The following VPS13C variants were observed in gnomAD, a reference collection of about 807,000 sequenced individuals.
VPS13C encodes the protein vacuolar protein sorting 13 homolog C, also known as intermembrane lipid transfer protein VPS13C.
Under a neutral mutation model 456.8 loss-of-function variants are expected in VPS13C, and 358 were observed. That is an observed-to-expected ratio of 0.78 (90% CI 0.72 to 0.86). VPS13C has a LOEUF of 0.86. VPS13C is among the 40% of genes least tolerant of loss of function. The probability of loss-of-function intolerance (pLI) is 0.00; values close to 1 mark genes in which losing one functional copy is unlikely to be tolerated. For missense variants in VPS13C, 4,818 were observed against 4,385.4 expected (o/e 1.10, Z -2.79); for synonymous variants, 1,578 against 1,486.7 (o/e 1.06, Z -1.41).
chr15:62,033,502 C>A lies in VPS13C; in HGVS notation c.324G>T (p.Gln108His). Residue 108 changes from glutamine to histidine, a missense_variant, in exon 5 of 85, where the codon CAG becomes CAT. This residue lies in a region of VPS13C where 4,552 missense variants were observed against 4,130.6 expected (regional missense o/e 1.10). Transcript: ENST00000644861. ...GGGATAGCTCTTTCTGTTTAACATCCTGCAAGGATTTTTCTTCTTTTACAG... is the reference window on the plus strand; with the variant it reads ...GGGATAGCTCTTTCTGTTTAACATCATGCAAGGATTTTTCTTCTTTTACAG... ...YDAVKEEKSL[Q>H]DVKQKELSRI... The A allele has an allele frequency of 1.9e-6, 3 of 1,607,360 alleles. No homozygotes were observed. Among genetic ancestry groups the A allele is most frequent in the Non-Finnish European group, 2.6e-6 (3 of 1,176,468 alleles).
chr15:61,984,947 CT>C lies in VPS13C; in HGVS notation c.1630del (p.Arg544GlufsTer10). ...TATTTCTGGAATATTCTTGTTTTCT[CT>C]TATCGTAACAGAGGTGCTTACTAAC... is the stretch of plus-strand genomic sequence containing the variant. The part of the protein sequence containing the change: ...LKLVSTSVTI[R>X]ENKNIPEILK... On this transcript the variant is annotated frameshift_variant, in exon 19 of 85. Transcript: ENST00000644861. LOFTEE classifies it high-confidence loss of function. 1 of 1,610,722 alleles carries C rather than the reference CT, an allele frequency of 6.2e-7. No individual in the cohort carries two copies. Among genetic ancestry groups the C allele is most frequent in the Non-Finnish European group, 8.5e-7 (1 of 1,178,838 alleles).
chr15:61,979,088 AC>A (rs1336722228), intron 22 of VPS13C, among the ~76,000 whole-genome samples: 1 of 151,920 alleles, frequency 6.6e-6, no homozygotes, highest in Non-Finnish European at 1.5e-5. Flanking sequence ...CCCCCACCCT[AC>A]ACCCTTCACC....
At chr15:61,993,017 C>T (rs1015198605) in intron 16 of VPS13C, among the ~76,000 whole-genome samples, 4 of 151,922 alleles carry the variant, frequency 2.6e-5, no homozygotes, top group African/African-American at 4.8e-5. Context: ...TAGATAAAAC[C>T]GAGCTTTTTT....
At chr15:61,956,092 T>C (rs577022647) in intron 37 of VPS13C, among the ~76,000 whole-genome samples, 1 of 152,234 alleles carries the variant, frequency 6.6e-6, no homozygotes, top group African/African-American at 2.4e-5. Context: ...CCACTGACAG[T>C]GGACTGAATA....
intron 66 of VPS13C, among the ~76,000 whole-genome samples, chr15:61,902,875 T>C (rs1041241852): frequency 3.0e-4 from 31 of 102,872 alleles, no homozygotes; most frequent in African/African-American, 1.1e-3. Flanking sequence ...AAAAAGGGCA[T>C]CCAAATTTGA....
Position 61,866,948 on chromosome 15 carries a change from A to G in VPS13C, c.10863+1711T>C, listed in dbSNP as rs189353968. The G allele has an allele frequency of 2.6e-5, 26 of 984,376 alleles. No individual in the cohort carries two copies. The African/African-American group carries it at 4.2e-4, about 16-fold the overall frequency. The allele number at this position is 984,376 out of a possible 1,614,324, so 61.0% of individuals were successfully genotyped here. A position where few individuals can be genotyped will look rare whatever the true frequency, so the allele number is the denominator to read the frequency against. The stretch of plus-strand genomic sequence containing the variant: ...TGAGGAGAAGCATGAAAGTTGCTAG[A>G]TAAGACATTGTTAAACATTTCCATC... On this transcript the variant is annotated intron_variant, in intron 81 of 84. Coordinates refer to ENST00000644861, the MANE Select transcript of VPS13C (RefSeq NM_020821.3).
intron 60 of VPS13C, 68 bp downstream of exon 60, chr15:61,917,273 T>C (rs2043501538): frequency 6.6e-7 from 1 of 1,507,036 alleles, no homozygotes; most frequent in Non-Finnish European, 9.0e-7. Context: ...CACTTAAAAA[T>C]ACCATAAAAC....
At chr15:62,014,465 A>G (rs541775817) in intron 9 of VPS13C, among the ~76,000 whole-genome samples, 45 of 152,276 alleles carry the variant, frequency 3.0e-4, no homozygotes, top group Non-Finnish European at 5.4e-4. Context: ...AAACTTGTTA[A>G]GAACTGTTTC....
At chr15:61,999,707 G>A (rs955399429) in intron 16 of VPS13C, among the ~76,000 whole-genome samples, 1 of 151,354 alleles carries the variant, frequency 6.6e-6, no homozygotes, top group Non-Finnish European at 1.5e-5. Context: ...CAGAATCTTA[G>A]AAATGACATG....
Position 61,881,780 on chromosome 15 carries a change from C to A in VPS13C, c.9673G>T (p.Val3225Phe). 6.2e-7 allele frequency: 1 copy of A among 1,608,554 alleles called. No individual in the cohort carries two copies. Among genetic ancestry groups the A allele is most frequent in the Admixed American group, 1.7e-5 (1 of 58,662 alleles). ...GAMFPVVFHP[V>F]APPKSIALDS... ...AAAGCAATAGATTTTGGAGGGGCAA[C>A]AGGATGAAATACAACAGGGAACATT... The change falls in exon 70 of 85, where the codon GTT becomes TTT. Residue 3225 changes from valine to phenylalanine, a missense_variant. Val to Phe is a conservative substitution (Grantham distance 50, BLOSUM62 -1). Transcript: ENST00000644861.
At chr15:61,869,646 A>C (rs2140871575) in intron 79 of VPS13C, 23 bp from the exon 80 acceptor site, 1 of 1,613,808 alleles carries the variant, frequency 6.2e-7, no homozygotes, top group Non-Finnish European at 8.5e-7. Flanking sequence ...AATGACCATG[A>C]ATGGATAAAG....
At chr15:61,995,038 C>T (rs1025394974) in intron 16 of VPS13C, among the ~76,000 whole-genome samples, 4 of 152,236 alleles carry the variant, frequency 2.6e-5, no homozygotes, top group African/African-American at 9.6e-5. Context: ...ATCTGCTCTG[C>T]TTACAGCAAA....
intron 53 of VPS13C, among the ~76,000 whole-genome samples, chr15:61,924,157 G>A (rs1025680897): frequency 6.6e-6 from 1 of 151,650 alleles, no homozygotes; most frequent in African/African-American, 2.4e-5. Flanking sequence ...TGAGGCCACC[G>A]CGCCCGGCCA....
At chr15:61,967,962 G>A (rs2045431878) in intron 28 of VPS13C, among the ~76,000 whole-genome samples, 1 of 151,846 alleles carries the variant, frequency 6.6e-6, no homozygotes, top group Non-Finnish European at 1.5e-5. Context: ...TTTGTTATTT[G>A]CAATTCTTTT....
chr15:61,946,347 A>G lies in VPS13C; in HGVS notation c.4940T>C (p.Ile1647Thr), dbSNP rs745493841. Reference sequence around the variant, plus strand: ...CTGCAAATCTACATTCATAACTATAATATCTTTAAGTCTGGCAAACACATC... The same window carrying G: ...CTGCAAATCTACATTCATAACTATAGTATCTTTAAGTCTGGCAAACACATC... The part of the protein sequence containing the change: ...QTDVFARLKD[I>T]IVMNVDLQSI... The change falls in exon 44 of 85, where the codon ATT becomes ACT. Residue 1647 changes from isoleucine to threonine, a missense_variant. Physicochemically the swap from Ile to Thr is moderately conservative, Grantham distance 89 (BLOSUM62 -1). Around this residue, in one of 3 missense-constraint regions of VPS13C, gnomAD observed 4,552 missense variants for 4,130.6 expected, o/e 1.10. Coordinates refer to ENST00000644861, the MANE Select transcript of VPS13C (RefSeq NM_020821.3). 5.6e-6 allele frequency: 9 copies of G among 1,608,710 alleles called. No homozygotes were observed. The highest frequency in any genetic ancestry group is 5.4e-5 in the African/African-American group (4 of 74,594).
intron 1 of VPS13C, among the ~76,000 whole-genome samples, chr15:62,057,008 C>T (rs943523491): frequency 6.6e-6 from 1 of 152,052 alleles, no homozygotes; most frequent in East Asian, 1.9e-4. Context: ...GGGCCACTAC[C>T]GGTCTCCGCG....
At chr15:61,860,717 T>C (rs1179947566) in intron 82 of VPS13C, among the ~76,000 whole-genome samples, 1 of 152,146 alleles carries the variant, frequency 6.6e-6, no homozygotes, top group African/African-American at 2.4e-5. Flanking sequence ...AATGTAATAA[T>C]GCATTTTTTT....
intron 81 of VPS13C, chr15:61,866,401 GA>G: frequency 1.0e-6 from 1 of 983,434 alleles, no homozygotes; most frequent in South Asian, 4.7e-5. Flanking sequence ...ATATCACAAG[GA>G]AAAAATTAAT....
Position 62,013,294 on chromosome 15 carries a change from T to TAA in VPS13C, c.745-176_745-175insTT, listed in dbSNP as rs1168402935. ...AAAATATATTCATGTTATTCAGACTTTATTAAGTCTAGCATTTGCTAAATT... is the reference window on the plus strand; with the variant it reads ...AAAATATATTCATGTTATTCAGACTTAATATTAAGTCTAGCATTTGCTAAATT... On this transcript the variant is annotated intron_variant, in intron 10 of 84. Coordinates refer to ENST00000644861, the MANE Select transcript of VPS13C (RefSeq NM_020821.3). Among the ~76,000 whole-genome samples the TAA allele has an allele frequency of 3.9e-5, 6 of 152,104 alleles. No individual in the cohort carries two copies. The East Asian group carries it at 1.2e-3, about 29-fold the overall frequency.
Sources: gnomAD v4.1 joint callset for allele counts (sites outside exome capture counted in the v4.1 genomes callset) on GRCh38, gnomAD v4.1.1 for gene constraint, gnomAD v4.1.1 regional missense constraint, MANE v1.5 for transcripts, NCBI Gene and HGNC (gene_info 2026-07-23, HGNC 2026-07-21) for gene names.